SDC2: variants seen among roughly 807,000 people sequenced by gnomAD.
SDC2 encodes syndecan-2.
In SDC2, 13 loss-of-function variants were observed where a neutral mutation model predicts 22.2. The observed-to-expected ratio is 0.59, with a 90% CI of 0.38 to 0.93. SDC2 has a LOEUF of 0.93. SDC2 is among the 40% of genes least tolerant of loss of function. The probability of loss-of-function intolerance (pLI) is 0.00; values close to 1 mark genes in which losing one functional copy is unlikely to be tolerated. For synonymous variants in SDC2, 94 were observed against 92.8 expected, an observed-to-expected ratio of 1.01 and a Z score of -0.07; for missense variants, 235 against 246.8, an observed-to-expected ratio of 0.95 and a Z score of 0.32.
At chr8:96,543,786 T>C (rs1586290952) in intron 1 of SDC2, among the ~76,000 whole-genome samples, 1 of 152,222 alleles carries the variant, frequency 6.6e-6, no homozygotes, top group South Asian at 2.1e-4. Flanking sequence ...CATAACAGTA[T>C]GTGTATATGA....
chr8:96,591,733 C>T (rs746020325), intron 1 of SDC2, among the ~76,000 whole-genome samples: 9 of 151,948 alleles, frequency 5.9e-5, no homozygotes, highest in Non-Finnish European at 1.2e-4. Flanking sequence ...GGAGGTCCTC[C>T]AGGGGAAGTA....
intron 1 of SDC2, among the ~76,000 whole-genome samples, chr8:96,576,378 T>TTTTTTTTTTTTTTTTTTTTTTTTCA (rs1814497133): frequency 1.5e-5 from 1 of 68,338 alleles, no homozygotes; most frequent in Non-Finnish European, 3.0e-5. Flanking sequence ...GTTTTTGTTT[T>TTTTTTTTTTTTTTTTTTTTTTTTCA]GTTTTGTTTT....
Position 96,609,501 on chromosome 8 carries a change from T to G in SDC2, c.559T>G (p.Ser187Ala). The change falls in exon 5 of 5, where the codon TCC (serine) becomes GCC (alanine). Residue 187 changes from serine to alanine, a missense_variant. By Grantham distance (99) the Ser-to-Ala change is moderately conservative. Coordinates refer to ENST00000302190, the MANE Select transcript of SDC2 (RefSeq NM_002998.4). ...CTATGACCTTGGAGAACGCAAACCA[T>G]CCAGTGCTGCTTATCAGAAGGCACC... ...GSYDLGERKPSSAAYQKAPTK... is the reference protein window; with the variant it reads ...GSYDLGERKPASAAYQKAPTK... 1.2e-6 allele frequency: 2 copies of G among 1,610,976 alleles called. No individual in the cohort carries two copies. Among genetic ancestry groups the G allele is most frequent in the African/African-American group, 2.7e-5 (2 of 74,934 alleles).
At chr8:96,518,267 T>C (rs1335280105) in intron 1 of SDC2, among the ~76,000 whole-genome samples, 3 of 151,806 alleles carry the variant, frequency 2.0e-5, no homozygotes, top group Non-Finnish European at 4.4e-5. Context: ...AAAAAATGCC[T>C]GACAGAAAAA....
intron 1 of SDC2, chr8:96,529,263 A>G (rs1412448882): frequency 6.6e-6 from 1 of 152,226 alleles, no homozygotes; most frequent in African/African-American, 2.4e-5. Context: ...CCCAGTCAAT[A>G]TTCAATAGGT....
At chr8:96,586,782 C>T (rs1358831288) in intron 1 of SDC2, among the ~76,000 whole-genome samples, 5 of 152,144 alleles carry the variant, frequency 3.3e-5, no homozygotes, top group African/African-American at 7.2e-5. Context: ...TTTCCTAATA[C>T]GCATGAGTAA....
intron 1 of SDC2, among the ~76,000 whole-genome samples, chr8:96,536,052 CGAA>C (rs1349398989): frequency 6.6e-6 from 1 of 152,004 alleles, no homozygotes; most frequent in Non-Finnish European, 1.5e-5. Flanking sequence ...TGAGGACTAC[CGAA>C]GTAATCAGAT....
At chr8:96,595,536 T>G (rs1814859082) in intron 2 of SDC2, among the ~76,000 whole-genome samples, 1 of 152,140 alleles carries the variant, frequency 6.6e-6, no homozygotes, top group Non-Finnish European at 1.5e-5. Context: ...TAAGAGTTCT[T>G]TGTAACTGTC....
At chr8:96,574,269 T>C (rs997117166) in intron 1 of SDC2, among the ~76,000 whole-genome samples, 1 of 152,168 alleles carries the variant, frequency 6.6e-6, no homozygotes, top group Non-Finnish European at 1.5e-5. Flanking sequence ...AACCCTGGGA[T>C]GGCAGCAGAG....
At chr8:96,553,861 C>T (rs1814066825) in intron 1 of SDC2, among the ~76,000 whole-genome samples, 1 of 152,060 alleles carries the variant, frequency 6.6e-6, no homozygotes, top group African/African-American at 2.4e-5. Context: ...CAGCCTTTAC[C>T]TCCTGGGCTC....
At chr8:96,590,002 C>T (rs774279627) in intron 1 of SDC2, among the ~76,000 whole-genome samples, 3 of 152,220 alleles carry the variant, frequency 2.0e-5, no homozygotes, top group Non-Finnish European at 4.4e-5. Flanking sequence ...TGCGCATTCT[C>T]CTCTGGGAAT....
chr8:96,579,292 G>A (rs1814554115), intron 1 of SDC2, among the ~76,000 whole-genome samples: 1 of 152,206 alleles, frequency 6.6e-6, no homozygotes, highest in South Asian at 2.1e-4. Flanking sequence ...CTGGAAATTG[G>A]CTGTTGATGC....
At chr8:96,593,140 C>T (rs1363652840) in intron 1 of SDC2, among the ~76,000 whole-genome samples, 1 of 152,166 alleles carries the variant, frequency 6.6e-6, no homozygotes, top group Non-Finnish European at 1.5e-5. Context: ...AAGAGAATGC[C>T]CAAGATGGCT....
At chr8:96,521,158 T>G (rs1813491458) in intron 1 of SDC2, among the ~76,000 whole-genome samples, 1 of 152,204 alleles carries the variant, frequency 6.6e-6, no homozygotes, top group Non-Finnish European at 1.5e-5. Context: ...ATTTTCACAT[T>G]CGTATAAATA....
chr8:96,551,575 A>C (rs192166044), intron 1 of SDC2, among the ~76,000 whole-genome samples: 2 of 152,286 alleles, frequency 1.3e-5, no homozygotes, highest in Admixed American at 1.3e-4. Context: ...AACCTGGAAT[A>C]ACTCATCCAG....
chr8:96,558,055 T>A (rs1217813506), intron 1 of SDC2, among the ~76,000 whole-genome samples: 1 of 152,048 alleles, frequency 6.6e-6, no homozygotes, highest in Non-Finnish European at 1.5e-5. Flanking sequence ...GTTAGAGCAG[T>A]TCTAATTGCA....
chr8:96,508,321 A>G (rs1813276635), intron 1 of SDC2, among the ~76,000 whole-genome samples: 1 of 142,656 alleles, frequency 7.0e-6, no homozygotes, highest in Admixed American at 7.0e-5. Context: ...TAATAATAAT[A>G]ATAATAATAA....
chr8:96,534,849 A>G (rs550177790), intron 1 of SDC2, among the ~76,000 whole-genome samples: 3 of 152,180 alleles, frequency 2.0e-5, no homozygotes, highest in African/African-American at 4.8e-5. Context: ...TTTGTTGCTC[A>G]TATCTTTGCT....
intron 1 of SDC2, among the ~76,000 whole-genome samples, chr8:96,550,100 C>T (rs754827645): frequency 6.6e-6 from 1 of 152,032 alleles, no homozygotes; most frequent in Non-Finnish European, 1.5e-5. Context: ...TTTCAAAGAT[C>T]TCATATTTAC....
Sources: allele counts gnomAD v4.1 joint callset (sites outside exome capture counted in the v4.1 genomes callset), GRCh38; gene constraint gnomAD v4.1.1; transcripts MANE v1.5; gene names NCBI Gene and HGNC (gene_info 2026-07-23, HGNC 2026-07-21).